The following RNF217 variants were observed in gnomAD, a reference collection of about 807,000 sequenced individuals.
RNF217 encodes the protein E3 ubiquitin-protein ligase RNF217.
A neutral mutation model predicts 57.8 loss-of-function variants in RNF217; 31 were observed. The observed-to-expected ratio is 0.54, with a 90% CI of 0.40 to 0.72. The LOEUF (loss-of-function observed/expected upper bound fraction) is 0.72, where lower values mean the gene tolerates loss of function less well. RNF217 is among the 30% of genes least tolerant of loss of function. The probability of loss-of-function intolerance (pLI) is 0.00; values close to 1 mark genes in which losing one functional copy is unlikely to be tolerated. For missense variants in RNF217, 696 were observed against 708.3 expected (o/e 0.98, Z 0.20); for synonymous variants, 313 against 294.0 (o/e 1.06, Z -0.66).
At chr6:125,073,494 C>G (rs1309948105) in intron 3 of RNF217, among the ~76,000 whole-genome samples, 1 of 152,274 alleles carries the variant, frequency 6.6e-6, no homozygotes, top group African/African-American at 2.4e-5. Flanking sequence ...CTTGCAAAAC[C>G]TGGATCCACT....
At chr6:125,053,324 G>T (rs1787396316) in intron 2 of RNF217, among the ~76,000 whole-genome samples, 1 of 152,118 alleles carries the variant, frequency 6.6e-6, no homozygotes, top group Non-Finnish European at 1.5e-5. Flanking sequence ...AACATAAGCA[G>T]TTCCTGCTAC....
intron 1 of RNF217, among the ~76,000 whole-genome samples, chr6:125,006,881 A>G (rs7760717): frequency 0.33 from 49,696 of 152,212 alleles, 10,461 homozygotes; most frequent in African/African-American, 0.6. Flanking sequence ...CCCAGGAGGC[A>G]GAGGTTGCAA....
intron 1 of RNF217, among the ~76,000 whole-genome samples, chr6:124,977,855 T>TTGC (rs1784023479): frequency 6.6e-6 from 1 of 152,128 alleles, no homozygotes; most frequent in African/African-American, 2.4e-5. Context: ...TATTAGGGAG[T>TTGC]TGCAGAGATT....
chr6:124,996,348 A>T (rs1479591582), intron 1 of RNF217, among the ~76,000 whole-genome samples: 1 of 151,694 alleles, frequency 6.6e-6, no homozygotes, highest in African/African-American at 2.4e-5. Flanking sequence ...GTTTTCTCTG[A>T]TGTGCTTTTT....
At chr6:125,057,789 A>C (rs1229430564) in intron 2 of RNF217, among the ~76,000 whole-genome samples, 153 bp from the exon 3 acceptor site, 1 of 152,192 alleles carries the variant, frequency 6.6e-6, no homozygotes, top group Non-Finnish European at 1.5e-5. Flanking sequence ...GTAGTAACAG[A>C]GTATTCATAT....
intron 1 of RNF217, among the ~76,000 whole-genome samples, chr6:124,969,679 C>T (rs762389816): frequency 1.3e-5 from 2 of 152,062 alleles, no homozygotes; most frequent in Non-Finnish European, 2.9e-5. Flanking sequence ...CTGTTTTAGG[C>T]TCTGGGGATA....
chr6:125,001,242 A>G (rs1239366006), intron 1 of RNF217, among the ~76,000 whole-genome samples: 2 of 152,128 alleles, frequency 1.3e-5, no homozygotes, highest in African/African-American at 4.8e-5. Context: ...AATTCTATGT[A>G]AGTTTTCTTG....
chr6:124,993,760 G>A (rs1050348494), intron 1 of RNF217, among the ~76,000 whole-genome samples: 1 of 152,186 alleles, frequency 6.6e-6, no homozygotes, highest in Non-Finnish European at 1.5e-5. Context: ...CCTCAGATGA[G>A]ATCTAAGGGT....
At chr6:124,971,429 T>C in intron 1 of RNF217, 1 of 282,624 alleles carries the variant, frequency 3.5e-6, no homozygotes, top group South Asian at 3.0e-5. Flanking sequence ...AGCTATGATT[T>C]GATTTGATTT....
chr6:125,049,053 C>A (rs1052827290), intron 2 of RNF217, among the ~76,000 whole-genome samples: 1 of 152,002 alleles, frequency 6.6e-6, no homozygotes, highest in East Asian at 1.9e-4. Context: ...AAAGGCTTAC[C>A]GTTCCATTTC....
intron 3 of RNF217, among the ~76,000 whole-genome samples, chr6:125,059,689 G>T (rs1260695051): frequency 6.6e-6 from 1 of 152,070 alleles, no homozygotes; most frequent in Non-Finnish European, 1.5e-5. Flanking sequence ...AACCTTAAAT[G>T]GACTATAATG....
At chr6:125,051,347 C>T (rs1413580766) in intron 2 of RNF217, among the ~76,000 whole-genome samples, 1 of 151,696 alleles carries the variant, frequency 6.6e-6, no homozygotes, top group East Asian at 1.9e-4. Flanking sequence ...CCCCCGAGAT[C>T]GTGTGTTAAA....
At chr6:125,023,434 A>G (rs1164918849) in intron 1 of RNF217, among the ~76,000 whole-genome samples, 2 of 152,206 alleles carry the variant, frequency 1.3e-5, no homozygotes, top group Non-Finnish European at 2.9e-5. Context: ...TGTTGTAAAA[A>G]GAGTGCTCCA....
Position 125,046,477 on chromosome 6 carries a change from A to G in RNF217, c.1116+1033A>G, listed in dbSNP as rs1038024438. 1.9e-5 allele frequency: 8 copies of G among 414,912 alleles called. No homozygotes were observed. The East Asian group carries it at 5.8e-4, about 30-fold the overall frequency. The allele number at this position is 414,912 out of a possible 1,614,324, so 25.7% of individuals were successfully genotyped here. On this transcript the variant is annotated intron_variant, in intron 2 of 5. Coordinates refer to ENST00000521654, the MANE Select transcript of RNF217 (RefSeq NM_001286398.3). ...CATGACACACCAGTGCCCCAGGCCCACCCCAGAACAATTGTCTTCCAAATT... is the reference window on the plus strand; with the variant it reads ...CATGACACACCAGTGCCCCAGGCCCGCCCCAGAACAATTGTCTTCCAAATT...
intron 1 of RNF217, among the ~76,000 whole-genome samples, chr6:125,000,093 A>G (rs1784919265): frequency 6.6e-6 from 1 of 152,134 alleles, no homozygotes; most frequent in Admixed American, 6.5e-5. Context: ...GGCTTATGGA[A>G]TGCAGTCCCA....
At chr6:124,975,113 C>A (rs1783910838) in intron 1 of RNF217, among the ~76,000 whole-genome samples, 1 of 152,182 alleles carries the variant, frequency 6.6e-6, no homozygotes, top group African/African-American at 2.4e-5. Context: ...GGCTACCTGG[C>A]AAATTGCTTC....
chr6:124,992,539 G>T (rs552336727), intron 1 of RNF217, among the ~76,000 whole-genome samples: 1 of 152,098 alleles, frequency 6.6e-6, no homozygotes, highest in Non-Finnish European at 1.5e-5. Context: ...CGGTTAGCTT[G>T]TTCTAGTGTA....
chr6:124,966,616 TAA>T (rs1354103025), intron 1 of RNF217, among the ~76,000 whole-genome samples: 1 of 152,294 alleles, frequency 6.6e-6, no homozygotes, highest in South Asian at 2.1e-4. Context: ...TTTAAGAAAA[TAA>T]AAGAGTCCCT....
At chr6:125,050,963 C>T (rs1335697464) in intron 2 of RNF217, among the ~76,000 whole-genome samples, 2 of 151,896 alleles carry the variant, frequency 1.3e-5, no homozygotes, top group African/African-American at 4.8e-5. Flanking sequence ...GTGTGTGTTA[C>T]ATACATTACC....
Sources: allele counts gnomAD v4.1 joint callset (sites outside exome capture counted in the v4.1 genomes callset), GRCh38; gene constraint gnomAD v4.1.1; transcripts MANE v1.5; gene names NCBI Gene and HGNC (gene_info 2026-07-23, HGNC 2026-07-21).